Variants in UNC80 observed in about 807,000 individuals in gnomAD.
UNC80 encodes the protein unc-80 subunit of NALCN channel complex, also known as protein unc-80 homolog.
A neutral mutation model predicts 384.6 loss-of-function variants in UNC80; 164 were observed. That is an observed-to-expected ratio of 0.43 (90% CI 0.38 to 0.49). The LOEUF (loss-of-function observed/expected upper bound fraction) is 0.49, where lower values mean the gene tolerates loss of function less well. Among genes scored for constraint, UNC80 ranks in the 20% least tolerant of loss-of-function variants. The pLI is 0.00. For synonymous variants in UNC80, 1,486 were observed against 1,527.8 expected (o/e 0.97, Z 0.64); for missense variants, 3,330 against 4,143.0 (o/e 0.80, Z 5.39).
At chr2:209,887,395 A>C (rs776488400) in intron 25 of UNC80, among the ~76,000 whole-genome samples, 24 of 152,194 alleles carry the variant, frequency 1.6e-4, no homozygotes, top group Non-Finnish European at 2.8e-4. Context: ...TCATAGCCAC[A>C]GCTTCCTCTG....
chr2:209,972,148 T>C, intron 54 of UNC80, 53 bp from the exon 55 acceptor site: 4 of 1,535,680 alleles, frequency 2.6e-6, no homozygotes, highest in Non-Finnish European at 3.5e-6. Flanking sequence ...AAAACAAACA[T>C]ACTAAATGGG....
At chr2:209,870,532 A>G (rs2084204617) in intron 22 of UNC80, among the ~76,000 whole-genome samples, 1 of 152,114 alleles carries the variant, frequency 6.6e-6, no homozygotes. Flanking sequence ...CATTGATGAG[A>G]TAGATTCTCA....
chr2:209,972,133 G>A (rs2092903447), intron 54 of UNC80, 68 bp from the exon 55 acceptor site: 4 of 1,521,202 alleles, frequency 2.6e-6, no homozygotes, highest in South Asian at 1.2e-5. Context: ...CCATCATACT[G>A]TGTAAAAACA....
At chr2:209,966,198 A>T (rs2092737289) in intron 51 of UNC80, among the ~76,000 whole-genome samples, 1 of 152,216 alleles carries the variant, frequency 6.6e-6, no homozygotes, top group Admixed American at 6.5e-5. Flanking sequence ...TAGTAACTTA[A>T]TGTATTACCC....
rs1317018845 is a variant in UNC80, at chr2:209,926,945, A to T, written c.5765A>T (p.His1922Leu). The change falls in exon 36 of 65, where the codon CAT (histidine) becomes CTT (leucine). Residue 1922 changes from histidine (H) to leucine (L), a missense_variant. By Grantham distance (99) the His-to-Leu change is moderately conservative. Around this residue, in one of 8 missense-constraint regions of UNC80, gnomAD observed 1,049 missense variants for 1,488.6 expected, o/e 0.70. Coordinates refer to ENST00000673920, the MANE Select transcript of UNC80 (RefSeq NM_001371986.1). The stretch of plus-strand genomic sequence containing the variant: ...TGTGCAGCAGTACTTCCCATTGTTC[A>T]TCTGATGGAGGATGGTGAGGTGCGG... The part of the protein sequence containing the change: ...CICAAVLPIV[H>L]LMEDGEVRED... 9.7e-6 allele frequency: 15 copies of T among 1,552,006 alleles called. No homozygotes were observed. Among genetic ancestry groups the T allele is most frequent in the African/African-American group, 4.1e-5 (3 of 73,024 alleles).
intron 26 of UNC80, among the ~76,000 whole-genome samples, chr2:209,889,539 A>G (rs1444015446): frequency 6.6e-6 from 1 of 152,126 alleles, no homozygotes; most frequent in Admixed American, 6.5e-5. Context: ...CATGTGCAGA[A>G]CGTGCATGTT....
At chr2:209,898,156 A>G (rs2124921127) in intron 28 of UNC80, among the ~76,000 whole-genome samples, 1 of 152,118 alleles carries the variant, frequency 6.6e-6, no homozygotes, top group Non-Finnish European at 1.5e-5. Context: ...TTGTCTTTTA[A>G]AAGACCCAGA....
Position 209,995,903 on chromosome 2 carries a change from C to G in UNC80, c.*308C>G. On this transcript the variant is annotated 3_prime_UTR_variant, in exon 65 of 65. Transcript: ENST00000673920. ...TCAGCAGTTAAAAATATATACTATT[C>G]ATTGCTGCTTTCATAGAAATATTAA... 4.3e-6 allele frequency: 1 copy of G among 233,162 alleles called. No homozygotes were observed. Among genetic ancestry groups the G allele is most frequent in the Non-Finnish European group, 8.5e-6 (1 of 118,242 alleles). The allele number at this position is 233,162 out of a possible 1,614,324, so 14.4% of individuals were successfully genotyped here.
intron 2 of UNC80, among the ~76,000 whole-genome samples, chr2:209,774,191 C>T (rs1320107772): frequency 6.6e-6 from 1 of 152,234 alleles, no homozygotes; most frequent in Non-Finnish European, 1.5e-5. Context: ...TAAACACATA[C>T]ATGCCCACTC....
chr2:209,913,641 T>C (rs1031351375), intron 30 of UNC80, among the ~76,000 whole-genome samples, 161 bp from the exon 31 acceptor site: 1 of 152,188 alleles, frequency 6.6e-6, no homozygotes, highest in African/African-American at 2.4e-5. Flanking sequence ...ATAAAGCTTA[T>C]CTATCATATG....
At chr2:209,937,497 CTT>C (rs760305950) in intron 41 of UNC80, 30 bp from the exon 42 acceptor site, 1 of 1,453,120 alleles carries the variant, frequency 6.9e-7, no homozygotes, top group Non-Finnish European at 9.4e-7. Context: ...CTTTTGAACT[CTT>C]TTTTTTGTCT....
In UNC80 at chr2:209,937,577, C is replaced by A. The variant is rs2091335526; in HGVS notation, c.6412C>A (p.Leu2138Met). The change falls in exon 42 of 65, where the codon CTG becomes ATG. Residue 2138 changes from leucine to methionine, a missense_variant. By Grantham distance (15) the Leu-to-Met change is conservative (BLOSUM62 2). Transcript: ENST00000673920. Reference protein sequence around the residue: ...YPFRRSVSPQLNLVHMHPEKG... With the variant: ...YPFRRSVSPQMNLVHMHPEKG... ...TTTCCGGAGGTCAGTATCTCCCCAG[C>A]TGAATCTTGTACATATGCATCCAGA... 1 of 1,551,860 alleles carries A rather than the reference C, an allele frequency of 6.4e-7. No individual in the cohort carries two copies. Among genetic ancestry groups the A allele is most frequent in the Non-Finnish European group, 8.7e-7 (1 of 1,146,888 alleles).
At chr2:209,940,103 A>T (rs2091525900) in intron 43 of UNC80, among the ~76,000 whole-genome samples, 1 of 152,232 alleles carries the variant, frequency 6.6e-6, no homozygotes. Flanking sequence ...TAAGCTAGTC[A>T]TCAGCAGTTG....
At position 209,840,606 on chromosome 2, in the gene UNC80, T is replaced by C; in HGVS notation, c.3315T>C (p.Ile1105=). Residue 1105 remains isoleucine, a synonymous_variant, in exon 20 of 65, where the codon ATT becomes ATC. Transcript: ENST00000673920. ...LADGVEDLLD[I]SSVDRLSFIR... is the part of the protein sequence containing the mutation. ...ATGGTGTGGAGGACCTCCTGGACAT[T>C]AGCTCTGTGGACCGACTCTCTTTCA... 6.4e-7 allele frequency: 1 copy of C among 1,552,002 alleles called. No homozygotes were observed. The highest frequency in any genetic ancestry group is 8.7e-7 in the Non-Finnish European group (1 of 1,147,010).
At chr2:209,851,787 A>G (rs897944739) in intron 22 of UNC80, among the ~76,000 whole-genome samples, 22 of 152,102 alleles carry the variant, frequency 1.4e-4, no homozygotes, top group Admixed American at 1.2e-3. Context: ...GCAGGACTAC[A>G]AAGTCAGCAA....
chr2:209,936,583 T>C (rs977016948), intron 40 of UNC80, among the ~76,000 whole-genome samples: 13 of 152,108 alleles, frequency 8.5e-5, no homozygotes, highest in Non-Finnish European at 1.9e-4. Context: ...GTACCATTCT[T>C]TGGATAGCTC....
chr2:209,954,471 G>T (rs1559387827), intron 48 of UNC80: 6 of 400,502 alleles, frequency 1.5e-5, no homozygotes, highest in Non-Finnish European at 4.3e-6. Context: ...ATTCTGATTA[G>T]TAGTAGTATA....
intron 26 of UNC80, among the ~76,000 whole-genome samples, chr2:209,889,508 T>C (rs1479608386): frequency 6.6e-6 from 1 of 152,208 alleles, no homozygotes; most frequent in South Asian, 2.1e-4. Context: ...TTTTATTTTT[T>C]ATACTTTAAG....
intron 14 of UNC80, among the ~76,000 whole-genome samples, chr2:209,827,871 G>A (rs1391617507): frequency 2.6e-5 from 4 of 152,122 alleles, no homozygotes; most frequent in Admixed American, 2.6e-4. Flanking sequence ...ATCATTTAAT[G>A]CCTCAGCGTA....
Sources: allele counts gnomAD v4.1 joint callset (sites outside exome capture counted in the v4.1 genomes callset), GRCh38; gene constraint gnomAD v4.1.1; regional missense constraint gnomAD v4.1.1; transcripts MANE v1.5; gene names NCBI Gene and HGNC (gene_info 2026-07-23, HGNC 2026-07-21).